SORBS2: variants seen among roughly 807,000 people sequenced by gnomAD.
The protein encoded by SORBS2 is sorbin and SH3 domain-containing protein 2.
Under a neutral mutation model 97.7 loss-of-function variants are expected in SORBS2, and 46 were observed. The observed-to-expected ratio is 0.47, with a 90% CI of 0.37 to 0.60. The LOEUF (loss-of-function observed/expected upper bound fraction) is 0.60. SORBS2 is among the 20% of genes least tolerant of loss of function. The pLI is 0.00. For missense variants in SORBS2, 1,316 were observed against 1,282.3 expected, an observed-to-expected ratio of 1.03 and a Z score of -0.40; for synonymous variants, 476 against 473.4, an observed-to-expected ratio of 1.01 and a Z score of -0.07.
intron 9 of SORBS2, 75 bp downstream of exon 21, chr4:185,618,510 C>A: frequency 4.0e-6 from 3 of 744,146 alleles, no homozygotes; most frequent in Admixed American, 2.5e-5. Context: ...GATCCTACTG[C>A]AATGCTTATC....
At chr4:185,868,303 TGTGC>T (rs1251407349) in intron 1 of SORBS2, among the ~76,000 whole-genome samples, 1 of 150,720 alleles carries the variant, frequency 6.6e-6, no homozygotes, top group Non-Finnish European at 1.5e-5. Flanking sequence ...ATTACAGGCG[TGTGC>T]CACCATGCCC....
chr4:185,769,335 G>A (rs62334852), intron 2 of SORBS2, among the ~76,000 whole-genome samples: 27,960 of 152,114 alleles, frequency 0.18, 2,760 homozygotes, highest in Middle Eastern at 0.27. Flanking sequence ...TGTGTACACT[G>A]AACCGTCAGA....
chr4:185,748,315 G>A (rs2098776863), intron 2 of SORBS2, among the ~76,000 whole-genome samples: 1 of 152,196 alleles, frequency 6.6e-6, no homozygotes, highest in African/African-American at 2.4e-5. Context: ...GTCACCAGGA[G>A]CCCCGCGTAT....
chr4:185,940,501 C>A (rs1291888380), intron 1 of SORBS2, among the ~76,000 whole-genome samples: 1 of 152,186 alleles, frequency 6.6e-6, no homozygotes, highest in Non-Finnish European at 1.5e-5. Context: ...TCATCTCTCA[C>A]TGGACTTGCA....
At chr4:185,915,488 G>A (rs1350152845) in intron 1 of SORBS2, among the ~76,000 whole-genome samples, 1 of 152,182 alleles carries the variant, frequency 6.6e-6, no homozygotes, top group Non-Finnish European at 1.5e-5. Context: ...GGGTAGCCTG[G>A]GGAGGACCAG....
At chr4:185,741,697 G>A (rs563947923) in intron 2 of SORBS2, among the ~76,000 whole-genome samples, 65 of 152,036 alleles carry the variant, frequency 4.3e-4, no homozygotes, top group Middle Eastern at 3.4e-3. Flanking sequence ...TCCTGCTCTT[G>A]TGGCCCTGCT....
intron 5 of SORBS2, among the ~76,000 whole-genome samples, chr4:185,628,945 A>C (rs531843826): frequency 6.6e-6 from 1 of 152,246 alleles, no homozygotes; most frequent in Admixed American, 6.5e-5. Context: ...CACACTGTGC[A>C]TGAAATCACT....
intron 1 of SORBS2, among the ~76,000 whole-genome samples, chr4:185,866,900 G>A (rs898207263): frequency 7.0e-6 from 1 of 143,812 alleles, no homozygotes; most frequent in Non-Finnish European, 1.5e-5. Flanking sequence ...GGGAATAAAG[G>A]CAGGACTCTG....
chr4:185,899,803 C>T (rs1162950816), intron 1 of SORBS2, among the ~76,000 whole-genome samples: 1 of 152,196 alleles, frequency 6.6e-6, no homozygotes, highest in Non-Finnish European at 1.5e-5. Flanking sequence ...ACGTTCTTTA[C>T]AGTCATAAGC....
intron 1 of SORBS2, among the ~76,000 whole-genome samples, chr4:185,905,751 A>C (rs965473465): frequency 6.6e-6 from 1 of 152,098 alleles, no homozygotes; most frequent in Non-Finnish European, 1.5e-5. Context: ...CACATGAGCT[A>C]CTAGGCCCGG....
At position 185,865,923 on chromosome 4, in the gene SORBS2, A is replaced by G. The variant is rs1297661660; in HGVS notation, c.-338+90273T>C. Among the ~76,000 whole-genome samples, 3 of 152,200 alleles carry G rather than the reference A, an allele frequency of 2.0e-5. No individual in the cohort carries two copies. In the East Asian group the frequency reaches 5.8e-4, roughly 29 times the overall value. On this transcript the variant is annotated intron_variant, in intron 1 of 20. Transcript: ENST00000284776. ...ATGATAAAACAGGGTTGGCTCTGAA[A>G]TACCAACTGTCCACAAACTGGTTTC...
At chr4:185,685,783 A>G (rs1353701424) in intron 2 of SORBS2, among the ~76,000 whole-genome samples, 1 of 152,152 alleles carries the variant, frequency 6.6e-6, no homozygotes, top group Admixed American at 6.5e-5. Context: ...TCGGCCTCCC[A>G]TTACAAGCAT....
intron 2 of SORBS2, among the ~76,000 whole-genome samples, chr4:185,689,222 G>A (rs1447193783): frequency 6.6e-6 from 1 of 152,174 alleles, no homozygotes; most frequent in Non-Finnish European, 1.5e-5. Context: ...TCAGTAAAAT[G>A]AGGAATACTG....
At chr4:185,838,472 G>A (rs2099209514) in intron 1 of SORBS2, among the ~76,000 whole-genome samples, 1 of 152,224 alleles carries the variant, frequency 6.6e-6, no homozygotes, top group Non-Finnish European at 1.5e-5. Context: ...GAGCCTGGAG[G>A]AGAGGGGGAA....
chr4:185,885,360 C>A (rs2099238886), intron 1 of SORBS2, among the ~76,000 whole-genome samples: 1 of 152,200 alleles, frequency 6.6e-6, no homozygotes, highest in African/African-American at 2.4e-5. Flanking sequence ...TCTCACACTG[C>A]TGAATAAATA....
intron 1 of SORBS2, among the ~76,000 whole-genome samples, chr4:185,820,645 C>T (rs887013153): frequency 1.3e-5 from 2 of 152,322 alleles, no homozygotes; most frequent in Non-Finnish European, 2.9e-5. Context: ...GGAGGCCTTG[C>T]AGACAGCGTC....
intron 1 of SORBS2, among the ~76,000 whole-genome samples, chr4:185,803,314 C>G (rs954825306): frequency 1.3e-5 from 2 of 151,770 alleles, no homozygotes; most frequent in Non-Finnish European, 2.9e-5. Context: ...AATACCAGAG[C>G]CAAAAAAAAG....
chr4:185,939,004 C>T, intron 1 of SORBS2, among the ~76,000 whole-genome samples: 1 of 152,222 alleles, frequency 6.6e-6, no homozygotes, highest in East Asian at 1.9e-4. Context: ...GTGATTCTAA[C>T]AGATTTCCCG....
intron 1 of SORBS2, among the ~76,000 whole-genome samples, chr4:185,795,854 A>G (rs1451214817): frequency 6.6e-6 from 1 of 152,054 alleles, no homozygotes; most frequent in Non-Finnish European, 1.5e-5. Flanking sequence ...TTCCCCCAAA[A>G]CACTTTTTCC....
Sources: gnomAD v4.1 joint callset for allele counts (sites outside exome capture counted in the v4.1 genomes callset) on GRCh38, gnomAD v4.1.1 for gene constraint, MANE v1.5 for transcripts, NCBI Gene and HGNC (gene_info 2026-07-23, HGNC 2026-07-21) for gene names.